Variants in HECW1 observed in about 807,000 individuals in gnomAD.
HECW1 encodes the protein HECT, C2 and WW domain containing E3 ubiquitin protein ligase 1.
HECW1 carries 61 observed loss-of-function variants against 182.3 expected under a neutral mutation model. The observed-to-expected ratio is 0.33, with a 90% confidence interval of 0.27 to 0.41. The LOEUF (loss-of-function observed/expected upper bound fraction) is 0.41. Ranked by LOEUF, HECW1 falls within the 10% of genes least tolerant of loss-of-function variation. HECW1 has a pLI of 1.00. For synonymous variants in HECW1, 859 were observed against 832.6 expected, an observed-to-expected ratio of 1.03 and a Z score of -0.55; for missense variants, 1,739 against 2,108.9, an observed-to-expected ratio of 0.82 and a Z score of 3.44.
At chr7:43,416,493 A>C (rs374129669) in intron 8 of HECW1, among the ~76,000 whole-genome samples, 23 of 151,384 alleles carry the variant, frequency 1.5e-4, no homozygotes, top group East Asian at 5.8e-4. Context: ...TTTGTCTGTG[A>C]CCTGCCCCCA....
intron 2 of HECW1, chr7:43,162,784 T>C (rs1790685469): frequency 6.6e-6 from 1 of 152,198 alleles, no homozygotes; most frequent in African/African-American, 2.4e-5. Flanking sequence ...ACTGTAATAA[T>C]AACATTGTAA....
chr7:43,198,176 TTCAC>T (rs747088701), intron 2 of HECW1, among the ~76,000 whole-genome samples: 6 of 120,698 alleles, frequency 5.0e-5, no homozygotes, highest in Non-Finnish European at 6.9e-5. Context: ...ACACCCCACA[TTCAC>T]ACACACAGCA....
chr7:43,538,138 A>G (rs563066391), intron 24 of HECW1, among the ~76,000 whole-genome samples: 1 of 152,354 alleles, frequency 6.6e-6, no homozygotes, highest in Non-Finnish European at 1.5e-5. Flanking sequence ...CTGAAAATTT[A>G]GACCTAGGTC....
chr7:43,237,633 A>G (rs528271875), intron 2 of HECW1, among the ~76,000 whole-genome samples: 21 of 152,344 alleles, frequency 1.4e-4, no homozygotes, highest in African/African-American at 4.3e-4. Context: ...GTAAAGCAAG[A>G]TGAGCATTTA....
intron 3 of HECW1, among the ~76,000 whole-genome samples, chr7:43,310,445 T>C (rs1035761349): frequency 6.6e-6 from 1 of 152,220 alleles, no homozygotes; most frequent in Non-Finnish European, 1.5e-5. Context: ...GGTGATGAGA[T>C]GCTTTTTGGA....
chr7:43,286,273 G>A (rs1366148734), intron 3 of HECW1, among the ~76,000 whole-genome samples: 1 of 152,118 alleles, frequency 6.6e-6, no homozygotes, highest in East Asian at 1.9e-4. Context: ...CCAACTATTG[G>A]GACCACATGA....
intron 5 of HECW1, among the ~76,000 whole-genome samples, chr7:43,345,782 G>A (rs1468080771): frequency 6.9e-6 from 1 of 144,488 alleles, no homozygotes; most frequent in Non-Finnish European, 1.5e-5. Context: ...TGGTTGTGTA[G>A]TATTCCATCA....
At chr7:43,503,822 C>G (rs17172217) in intron 21 of HECW1, among the ~76,000 whole-genome samples, 5,835 of 152,262 alleles carry the variant, frequency 0.038, 192 homozygotes, top group East Asian at 0.17. Flanking sequence ...GTGATAGTAC[C>G]AGCGGTAGTG....
chr7:43,242,530 C>T (rs1434899077), intron 2 of HECW1, among the ~76,000 whole-genome samples: 1 of 152,142 alleles, frequency 6.6e-6, no homozygotes, highest in African/African-American at 2.4e-5. Context: ...AATAAAGATC[C>T]TGAGTTTTTC....
At chr7:43,256,609 C>CAAAAAAAAAAAA (rs756396122) in intron 3 of HECW1, among the ~76,000 whole-genome samples, 1 of 55,358 alleles carries the variant, frequency 1.8e-5, no homozygotes, top group African/African-American at 5.6e-5. Context: ...AACTTCATCT[C>CAAAAAAAAAAAA]AAAAAAAAAA....
chr7:43,312,992 C>A (rs999611108), intron 4 of HECW1, among the ~76,000 whole-genome samples: 3 of 152,182 alleles, frequency 2.0e-5, no homozygotes, highest in Admixed American at 1.3e-4. Context: ...CACACAACAC[C>A]GGATTTAACA....
chr7:43,126,067 C>CTTTTTTTT (rs71008891), intron 2 of HECW1, among the ~76,000 whole-genome samples: 8 of 103,982 alleles, frequency 7.7e-5, no homozygotes, highest in African/African-American at 1.1e-4. Context: ...TTTGTTCTCA[C>CTTTTTTTT]TTTTTTTTTT....
intron 6 of HECW1, among the ~76,000 whole-genome samples, chr7:43,388,521 C>T (rs1484298228): frequency 6.6e-6 from 1 of 152,198 alleles, no homozygotes; most frequent in Non-Finnish European, 1.5e-5. Flanking sequence ...AAACGTGAAG[C>T]AGTGGGTGCT....
chr7:43,517,538 G>A (rs1484051562), intron 24 of HECW1, among the ~76,000 whole-genome samples: 5 of 152,074 alleles, frequency 3.3e-5, no homozygotes, highest in African/African-American at 1.2e-4. Flanking sequence ...AAGAAGTCCC[G>A]GATAACACAT....
At chr7:43,169,876 A>G (rs6945335) in intron 2 of HECW1, among the ~76,000 whole-genome samples, 100,253 of 151,766 alleles carry the variant, frequency 0.66, 33,939 homozygotes, top group African/African-American at 0.79. Context: ...CACCCCCAGG[A>G]GACAATCCCC....
intron 5 of HECW1, among the ~76,000 whole-genome samples, chr7:43,341,769 G>C (rs1813029545): frequency 6.6e-6 from 1 of 151,688 alleles, no homozygotes; most frequent in East Asian, 1.9e-4. Flanking sequence ...ACTTTTGGAA[G>C]TACAAATCCA....
chr7:43,325,486 T>C (rs1810645618), intron 5 of HECW1, among the ~76,000 whole-genome samples: 1 of 152,178 alleles, frequency 6.6e-6, no homozygotes, highest in South Asian at 2.1e-4. Context: ...TCTTGATCTC[T>C]GGCCAAGATC....
rs1173371919 is a variant in HECW1, at chr7:43,445,255, A to G, written c.2083A>G (p.Ser695Gly). The G allele has an allele frequency of 6.2e-7, 1 of 1,612,390 alleles. No individual in the cohort carries two copies. Among genetic ancestry groups the G allele is most frequent in the Non-Finnish European group, 8.5e-7 (1 of 1,178,824 alleles). The stretch of plus-strand genomic sequence containing the variant: ...GTGCTACAGCACGTCCTGCTACAGC[A>G]GCTCGTGCTACAGCGCCTCGTGCTA... The part of the protein sequence containing the change: ...SSCYSTSCYS[S>G]SCYSASCYSP... Residue 695 changes from serine (S) to glycine (G), a missense_variant, in exon 11 of 30, where the codon AGC becomes GGC. Around this residue, in one of 5 missense-constraint regions of HECW1, gnomAD observed 971 missense variants for 1,029.1 expected, o/e 0.94. Coordinates refer to ENST00000395891, the MANE Select transcript of HECW1 (RefSeq NM_015052.5).
intron 3 of HECW1, among the ~76,000 whole-genome samples, chr7:43,281,910 A>G (rs1412370679): frequency 1.3e-5 from 2 of 151,506 alleles, no homozygotes; most frequent in Non-Finnish European, 2.9e-5. Context: ...CAAGAACTCA[A>G]AGTCCTGCCC....
Sources: gnomAD v4.1 joint callset for allele counts (sites outside exome capture counted in the v4.1 genomes callset) on GRCh38, gnomAD v4.1.1 for gene constraint, gnomAD v4.1.1 regional missense constraint, MANE v1.5 for transcripts, NCBI Gene and HGNC (gene_info 2026-07-23, HGNC 2026-07-21) for gene names.